The following TSG101 variants were observed in gnomAD, a reference collection of about 807,000 sequenced individuals.
TSG101 encodes tumor susceptibility 101, also known as tumor susceptibility gene 101 protein.
Under a neutral mutation model 48.5 loss-of-function variants are expected in TSG101, and 19 were observed. The ratio of observed to expected loss-of-function variants is 0.39; its 90% CI spans 0.27 to 0.58. The LOEUF (loss-of-function observed/expected upper bound fraction) is 0.58. Ranked by LOEUF, TSG101 falls within the 20% of genes least tolerant of loss-of-function variation. The pLI, the probability that TSG101 is intolerant of heterozygous loss-of-function variation, is 0.55. For synonymous variants in TSG101, 174 were observed against 169.4 expected (o/e 1.03, Z -0.21); for missense variants, 365 against 484.4 (o/e 0.75, Z 2.31).
intron 1 of TSG101, among the ~76,000 whole-genome samples, chr11:18,520,958 G>C (rs932465665): frequency 6.6e-6 from 1 of 151,910 alleles, no homozygotes; most frequent in East Asian, 1.9e-4. Flanking sequence ...TTGAACCCAG[G>C]AGGCAGAGGT....
chr11:18,512,493 C>T (rs1175320663), intron 4 of TSG101, among the ~76,000 whole-genome samples: 3 of 152,118 alleles, frequency 2.0e-5, no homozygotes, highest in African/African-American at 7.2e-5. Flanking sequence ...GTCTGATAAC[C>T]AAGTTACCTG....
At chr11:18,499,398 A>AT (rs1453156165) in intron 7 of TSG101, among the ~76,000 whole-genome samples, 35 of 5,008 alleles carry the variant, frequency 7.0e-3, no homozygotes, top group African/African-American at 0.017. Flanking sequence ...ATATATATAT[A>AT]TATATTTTTT....
At position 18,506,911 on chromosome 11, in the gene TSG101, G is replaced by T; in HGVS notation, c.494C>A (p.Pro165Gln). 1 of 1,606,412 alleles carries T rather than the reference G, an allele frequency of 6.2e-7. No individual in the cohort carries two copies. The highest frequency in any genetic ancestry group is 1.7e-5 in the Admixed American group (1 of 59,750). ...TGGAGAGATTCCACCTGGCATGCCT[G>T]GCATGTAGGAAGCTAAAAACAATTT... ...ATGPPNTSYMPGMPGGISPYP... is the reference protein window; with the variant it reads ...ATGPPNTSYMQGMPGGISPYP... Residue 165 changes from proline to glutamine, a missense_variant, in exon 6 of 10, where the codon CCA (proline) becomes CAA (glutamine). Coordinates refer to ENST00000251968, the MANE Select transcript of TSG101 (RefSeq NM_006292.4).
At position 18,521,408 on chromosome 11, in the gene TSG101, G is replaced by A. The variant is rs138767140; in HGVS notation, c.43-1805C>T. ...TTTTGAGATAGGGTCTCACTCTGTC[G>A]CTCAGGCTACAGTGCAGTGGTATGA... is the stretch of plus-strand genomic sequence containing the variant. On this transcript the variant is annotated intron_variant, in intron 1 of 9. Transcript: ENST00000251968. 6.3e-3 allele frequency among the ~76,000 whole-genome samples: 757 copies of A among 121,014 alleles called. 8 individuals are homozygous for A. Among genetic ancestry groups the A allele is most frequent in the African/African-American group, 0.023 (726 of 31,244 alleles). 79.4% of individuals were successfully genotyped at this position (121,014 alleles called of 152,430 possible). A position where few individuals can be genotyped will look rare whatever the true frequency, so the allele number is the denominator to read the frequency against.
At chr11:18,520,069 C>T (rs2079962796) in intron 1 of TSG101, among the ~76,000 whole-genome samples, 1 of 152,194 alleles carries the variant, frequency 6.6e-6, no homozygotes, top group South Asian at 2.1e-4. Context: ...AATCACCCCC[C>T]ATTCTACTTG....
Position 18,516,042 on chromosome 11 carries a change from A to G in TSG101, c.193+57T>C, listed in dbSNP as rs969240530. On this transcript the variant is annotated intron_variant, in intron 3 of 9. Coordinates refer to ENST00000251968, the MANE Select transcript of TSG101 (RefSeq NM_006292.4). ...TTAATTTGGTTATAACTCTTTGGCA[A>G]CATATTTATTATGTATTCAAAATGC... 8 of 1,481,896 alleles carry G rather than the reference A, an allele frequency of 5.4e-6. No individual in the cohort carries two copies. The South Asian group carries it at 6.0e-5, about 11-fold the overall frequency. The allele number at this position is 1,481,896 out of a possible 1,614,324, so 91.8% of individuals were successfully genotyped here. A position where few individuals can be genotyped will look rare whatever the true frequency, so the allele number is the denominator to read the frequency against.
At position 18,492,765 on chromosome 11, in the gene TSG101, T is replaced by TAA. The variant is rs60389211; in HGVS notation, c.641-8695_641-8694dup. ...AACTTTAAAAAATCGAACTACTTTGTAAAAAAAAAAAAAGGAATTATAACT... is the reference window on the plus strand; with the variant it reads ...AACTTTAAAAAATCGAACTACTTTGTAAAAAAAAAAAAAAAGGAATTATAACT... On this transcript the variant is annotated intron_variant, in intron 7 of 9. Transcript: ENST00000251968. Among the ~76,000 whole-genome samples, 831 of 123,892 alleles carry TAA rather than the reference T, an allele frequency of 6.7e-3. 5 individuals are homozygous for TAA. The highest frequency in any genetic ancestry group is 0.043 in the South Asian group (179 of 4,170). 81.3% of individuals were successfully genotyped at this position (123,892 alleles called of 152,430 possible).
chr11:18,512,438 C>T (rs1170306365), intron 4 of TSG101, among the ~76,000 whole-genome samples: 2 of 152,186 alleles, frequency 1.3e-5, no homozygotes, highest in African/African-American at 2.4e-5. Flanking sequence ...CCATCTTGTC[C>T]TCTATTTTCT....
intron 1 of TSG101, among the ~76,000 whole-genome samples, chr11:18,525,074 G>A (rs1850345659): frequency 6.6e-6 from 1 of 151,902 alleles, no homozygotes; most frequent in South Asian, 2.1e-4. Flanking sequence ...ATCATGCCCG[G>A]CTAATTTTTG....
rs746530412 is a variant in TSG101 at position 18,480,460 on chromosome 11, G to C, written c.*86C>G. The C allele has an allele frequency of 4.8e-5, 47 of 980,268 alleles. 1 individual carries two copies. The highest frequency in any genetic ancestry group is 7.0e-5 in the Non-Finnish European group (46 of 654,744). 60.7% of individuals were successfully genotyped at this position (980,268 alleles called of 1,614,324 possible). ...ATATTTTACACTTGAATGATAAACT[G>C]CAATAACTTATTCTGGGCACCTACT... On this transcript the variant is annotated 3_prime_UTR_variant, in exon 10 of 10. Transcript: ENST00000251968.
intron 7 of TSG101, among the ~76,000 whole-genome samples, chr11:18,496,074 G>C (rs1011080102): frequency 2.6e-5 from 4 of 152,196 alleles, no homozygotes; most frequent in Admixed American, 6.5e-5. Flanking sequence ...GTGTCACTGA[G>C]TGGAACACCA....
At chr11:18,506,730 A>AC (rs1849981869) in intron 6 of TSG101, 127 bp downstream of exon 6, 2 of 654,204 alleles carry the variant, frequency 3.1e-6, no homozygotes, top group Non-Finnish European at 4.8e-6. Context: ...CCAGGAATAA[A>AC]CCAAGTTTTA....
At chr11:18,523,339 C>CT (rs1400847940) in intron 1 of TSG101, among the ~76,000 whole-genome samples, 1 of 152,122 alleles carries the variant, frequency 6.6e-6, no homozygotes, top group Non-Finnish European at 1.5e-5. Context: ...CTCTAAAGCA[C>CT]TTATCACTTT....
At chr11:18,516,863 C>T (rs1478743075) in intron 2 of TSG101, among the ~76,000 whole-genome samples, 1 of 151,560 alleles carries the variant, frequency 6.6e-6, no homozygotes, top group Non-Finnish European at 1.5e-5. Flanking sequence ...ATTGCTTGAA[C>T]CCAGGAGGCA....
At chr11:18,489,517 T>C (rs1849668855) in intron 7 of TSG101, among the ~76,000 whole-genome samples, 1 of 152,230 alleles carries the variant, frequency 6.6e-6, no homozygotes, top group Non-Finnish European at 1.5e-5. Flanking sequence ...GAAGCACAAG[T>C]TGCAAATTGG....
chr11:18,509,686 C>G, intron 4 of TSG101, 21 bp from the exon 5 acceptor site: 1 of 1,573,936 alleles, frequency 6.4e-7, no homozygotes, highest in East Asian at 2.2e-5. Context: ...AAAAAAAATT[C>G]AAGTCAGCTA....
At chr11:18,524,740 G>T (rs1004809863) in intron 1 of TSG101, among the ~76,000 whole-genome samples, 1 of 152,118 alleles carries the variant, frequency 6.6e-6, no homozygotes, top group Non-Finnish European at 1.5e-5. Context: ...CAGGTTGGGT[G>T]GAGGGGAAGG....
chr11:18,525,066 C>G (rs1235637825), intron 1 of TSG101, among the ~76,000 whole-genome samples: 4 of 151,894 alleles, frequency 2.6e-5, no homozygotes, highest in Admixed American at 2.6e-4. Flanking sequence ...CACCCGCCAT[C>G]ATGCCCGGCT....
chr11:18,509,512 G>A (rs763381077), intron 5 of TSG101, 30 bp downstream of exon 5: 4 of 1,603,912 alleles, frequency 2.5e-6, no homozygotes, highest in Non-Finnish European at 3.4e-6. Context: ...GTTTATATGA[G>A]TTTTAAAGTA....
Sources: gnomAD v4.1 joint callset for allele counts (sites outside exome capture counted in the v4.1 genomes callset) on GRCh38, gnomAD v4.1.1 for gene constraint, MANE v1.5 for transcripts, NCBI Gene and HGNC (gene_info 2026-07-23, HGNC 2026-07-21) for gene names.